The following ENTREP1 variants were observed in gnomAD, a reference collection of about 807,000 sequenced individuals.
ENTREP1 encodes the protein endosomal transmembrane epsin interactor 1, also known as Friedreich ataxia region gene X123.
the ENTREP1 span, chr9:69,325,356 G>C: frequency 1.2e-5 from 14 of 1,180,128 alleles, no homozygotes; most frequent in Non-Finnish European, 1.5e-5. Context: ...CCCGTGGCTG[G>C]GCTTTCGGGT....
the ENTREP1 span, among the ~76,000 whole-genome samples, chr9:69,340,378 T>A: frequency 6.6e-6 from 1 of 152,218 alleles, no homozygotes; most frequent in Admixed American, 6.5e-5. Context: ...TCAGGTTTTT[T>A]ACTGGTTTGA....
chr9:69,383,299 C>G, the ENTREP1 span: 2 of 806,108 alleles, frequency 2.5e-6, no homozygotes, highest in African/African-American at 3.6e-5. Flanking sequence ...GACCCCATAC[C>G]CATCAAACAG....
the ENTREP1 span, chr9:69,377,491 A>G: frequency 1.7e-3 from 2,778 of 1,609,404 alleles, 11 homozygotes; most frequent in Admixed American, 2.0e-3. Flanking sequence ...AGTCTATGCA[A>G]GGGCATCATG....
At chr9:69,356,389 C>T in the ENTREP1 span, among the ~76,000 whole-genome samples, 2 of 152,192 alleles carry the variant, frequency 1.3e-5, no homozygotes, top group Non-Finnish European at 2.9e-5. Context: ...GAGGAACGCC[C>T]TGTGAGTACA....
At chr9:69,354,195 G>T in the ENTREP1 span, among the ~76,000 whole-genome samples, 1 of 148,692 alleles carries the variant, frequency 6.7e-6, no homozygotes, top group Non-Finnish European at 1.5e-5. Flanking sequence ...TAGCTGATAT[G>T]TCTCTTAAGT....
chr9:69,391,893 A>G, the ENTREP1 span: 1 of 1,313,830 alleles, frequency 7.6e-7, no homozygotes, highest in Non-Finnish European at 1.1e-6. Flanking sequence ...ACCTCAAAAA[A>G]AAGGAGCACT....
At chr9:69,367,714 T>C in the ENTREP1 span, among the ~76,000 whole-genome samples, 2 of 82,502 alleles carry the variant, frequency 2.4e-5, no homozygotes, top group East Asian at 3.6e-4. Flanking sequence ...AATATATATA[T>C]ACACATATAT....
chr9:69,356,290 C>T, the ENTREP1 span, among the ~76,000 whole-genome samples: 1,305 of 152,296 alleles, frequency 8.6e-3, 9 homozygotes, highest in Middle Eastern at 0.044. Flanking sequence ...CAAGGTCTAT[C>T]CATGCTGTTG....
the ENTREP1 span, among the ~76,000 whole-genome samples, chr9:69,340,161 G>A: frequency 6.6e-6 from 1 of 152,138 alleles, no homozygotes; most frequent in Non-Finnish European, 1.5e-5. Context: ...CCAAAACCTT[G>A]TATTCATCCC....
At chr9:69,325,029 C>G in the ENTREP1 span, 12,241 of 985,400 alleles carry the variant, frequency 0.012, 91 homozygotes, top group Middle Eastern at 0.018. Flanking sequence ...GCACTTGCCC[C>G]GGCACAGCGC....
the ENTREP1 span, among the ~76,000 whole-genome samples, chr9:69,332,003 C>A: frequency 7.2e-5 from 11 of 152,310 alleles, no homozygotes; most frequent in Non-Finnish European, 1.5e-4. Context: ...TTTTCCCAAC[C>A]CCTTTCCCCG....
At chr9:69,372,285 C>T in the ENTREP1 span, among the ~76,000 whole-genome samples, 1 of 152,180 alleles carries the variant, frequency 6.6e-6, no homozygotes, top group African/African-American at 2.4e-5. Flanking sequence ...GACAACCAAT[C>T]TCTAGAACTC....
At chr9:69,335,582 G>C in the ENTREP1 span, among the ~76,000 whole-genome samples, 1 of 152,192 alleles carries the variant, frequency 6.6e-6, no homozygotes, top group Non-Finnish European at 1.5e-5. Context: ...GAGCAGGTAA[G>C]AGAAGATCTT....
the ENTREP1 span, chr9:69,391,565 TACTTA>T: frequency 1.3e-6 from 2 of 1,589,606 alleles, no homozygotes; most frequent in South Asian, 1.1e-5. Context: ...TGGTAAAGCT[TACTTA>T]ACTTCTCCCC....
At chr9:69,360,554 A>G in the ENTREP1 span, among the ~76,000 whole-genome samples, 6 of 152,142 alleles carry the variant, frequency 3.9e-5, no homozygotes, top group Non-Finnish European at 7.4e-5. Context: ...TTCTGTTATT[A>G]TTGATACAAA....
At chr9:69,360,372 C>T in the ENTREP1 span, among the ~76,000 whole-genome samples, 12 of 152,306 alleles carry the variant, frequency 7.9e-5, no homozygotes, top group Middle Eastern at 3.4e-3. Flanking sequence ...TGCCCCAACA[C>T]GTACTTTTAT....
chr9:69,352,339 G>T, the ENTREP1 span, among the ~76,000 whole-genome samples: 1 of 151,920 alleles, frequency 6.6e-6, no homozygotes, highest in Non-Finnish European at 1.5e-5. Context: ...GGCTGGTCTC[G>T]AACTCCTAAC....
At chr9:69,340,653 A>ATGTGTGTGTG in the ENTREP1 span, among the ~76,000 whole-genome samples, 1 of 98,738 alleles carries the variant, frequency 1.0e-5, no homozygotes, top group African/African-American at 3.8e-5. Flanking sequence ...GTGTGTGTGC[A>ATGTGTGTGTG]TGTGTGTGTG....
the ENTREP1 span, among the ~76,000 whole-genome samples, chr9:69,377,115 T>G: frequency 3.2e-4 from 48 of 152,304 alleles, no homozygotes; most frequent in Admixed American, 3.1e-3. Context: ...CATACCACGT[T>G]GTTCTGTGAC....
Sources: gnomAD v4.1 joint callset for allele counts (sites outside exome capture counted in the v4.1 genomes callset) on GRCh38, gnomAD v4.1.1 for gene constraint, MANE v1.5 for transcripts, NCBI Gene and HGNC (gene_info 2026-07-23, HGNC 2026-07-21) for gene names.